The following PAH variants were observed in gnomAD, a reference collection of about 807,000 sequenced individuals.
The protein encoded by PAH is phenylalanine-4-hydroxylase.
Under a neutral mutation model 62.0 loss-of-function variants are expected in PAH, and 64 were observed. The ratio of observed to expected loss-of-function variants is 1.03; its 90% CI spans 0.84 to 1.27. The LOEUF is 1.27. Among genes scored for constraint, PAH ranks in the 50% most tolerant of loss-of-function variants. The pLI is 0.00. For missense variants in PAH, 579 were observed against 542.8 expected, an observed-to-expected ratio of 1.07 and a Z score of -0.66; for synonymous variants, 195 against 196.2, an observed-to-expected ratio of 0.99 and a Z score of 0.05.
intron 1 of PAH, among the ~76,000 whole-genome samples, chr12:102,930,215 A>G (rs1878810808): frequency 6.6e-6 from 1 of 152,160 alleles, no homozygotes; most frequent in East Asian, 1.9e-4. Flanking sequence ...TCTGCCATTC[A>G]TTCATTCAGT....
upstream of PAH, among the ~76,000 whole-genome samples, chr12:102,951,914 G>A (rs560060961): frequency 6.6e-6 from 1 of 151,666 alleles, no homozygotes; most frequent in Non-Finnish European, 1.5e-5. Flanking sequence ...TGGCTTCTCC[G>A]GCTGATGTGC....
intron 3 of PAH, among the ~76,000 whole-genome samples, chr12:102,884,233 C>A (rs61942038): frequency 0.18 from 27,483 of 152,202 alleles, 2,852 homozygotes; most frequent in Admixed American, 0.34. Context: ...AGAGCAGGGA[C>A]AAAGCCTGAG....
In PAH at chr12:102,838,887, A is replaced by G. The variant is rs1207315711; in HGVS notation, c.*288T>C. 1 of 462,310 alleles carries G rather than the reference A, an allele frequency of 2.2e-6. No individual in the cohort carries two copies. The highest frequency in any genetic ancestry group is 3.9e-5 in the East Asian group (1 of 25,494). The allele number at this position is 462,310 out of a possible 1,614,324, so 28.6% of individuals were successfully genotyped here. ...ATGAAGCAGGTCCCAAATTTTAATT[A>G]ATCTTGATGAAATGCGACAGATTAC... On this transcript the variant is annotated 3_prime_UTR_variant, in exon 13 of 13. Transcript: ENST00000553106.
At chr12:102,952,160 G>T (rs1879782630), upstream of PAH, among the ~76,000 whole-genome samples, 1 of 152,136 alleles carries the variant, frequency 6.6e-6, no homozygotes, top group African/African-American at 2.4e-5. Flanking sequence ...AGGTTTCATA[G>T]AGCCCTTCGA....
intron 3 of PAH, among the ~76,000 whole-genome samples, chr12:102,880,155 G>A (rs201598796): frequency 6.6e-5 from 10 of 152,046 alleles, no homozygotes; most frequent in African/African-American, 2.4e-4. Context: ...ACCATGCTCT[G>A]TTCATTTGGT....
At chr12:102,854,845 T>A in intron 6 of PAH, 3 of 464,092 alleles carry the variant, frequency 6.5e-6, no homozygotes, top group African/African-American at 4.0e-5. Context: ...AAAACCTCAG[T>A]GAAGCACCTT....
chr12:102,840,640 A>G, intron 11 of PAH, 125 bp from the exon 12 acceptor site: 4 of 733,936 alleles, frequency 5.5e-6, no homozygotes, highest in Non-Finnish European at 1.0e-5. Context: ...CAGGGTCTTC[A>G]ACAGCCAGGG....
intron 2 of PAH, among the ~76,000 whole-genome samples, chr12:102,896,599 G>C (rs1339492823): frequency 6.6e-6 from 1 of 152,114 alleles, no homozygotes; most frequent in Non-Finnish European, 1.5e-5. Flanking sequence ...GAGTGGAAAT[G>C]GTAAGAAGAT....
chr12:102,853,582 C>T (rs1875276494), intron 6 of PAH, among the ~76,000 whole-genome samples: 1 of 152,210 alleles, frequency 6.6e-6, no homozygotes, highest in South Asian at 2.1e-4. Context: ...TATGAATTGG[C>T]AGGTAAGTTT....
chr12:102,891,938 C>G (rs1254885333), intron 3 of PAH, among the ~76,000 whole-genome samples: 2 of 152,216 alleles, frequency 1.3e-5, no homozygotes, highest in Non-Finnish European at 2.9e-5. Context: ...ATCTGGCAGG[C>G]CCTTTGTCCA....
rs559094553 is a variant in PAH at position 102,840,313 on chromosome 12, T to G, written c.1315+87A>C. The G allele has an allele frequency of 3.6e-6, 3 of 842,604 alleles. No homozygotes were observed. In the East Asian group the frequency reaches 7.8e-5, roughly 22 times the overall value. 52.2% of individuals were successfully genotyped at this position (842,604 alleles called of 1,614,324 possible). On this transcript the variant is annotated intron_variant, in intron 12 of 12. Transcript: ENST00000553106. ...TCCTTAATTAAATATTTCAATAAAT[T>G]TATTATTTTTCCTATGGCGATGGTA...
In PAH at chr12:102,838,197, C is replaced by T. The variant is rs1249855871; in HGVS notation, c.*978G>A. On this transcript the variant is annotated 3_prime_UTR_variant, in exon 13 of 13. Transcript: ENST00000553106. ...CATGACTTTGAGTGTCACAAGGAGCCCCTGCAAAGGGTTGGAGATATGAGC... is the reference window on the plus strand; with the variant it reads ...CATGACTTTGAGTGTCACAAGGAGCTCCTGCAAAGGGTTGGAGATATGAGC... 6.6e-6 allele frequency: 1 copy of T among 152,042 alleles called. No individual in the cohort carries two copies. The highest frequency in any genetic ancestry group is 1.5e-5 in the Non-Finnish European group (1 of 68,016). The allele number at this position is 152,042 out of a possible 1,614,324, so 9.4% of individuals were successfully genotyped here. A position where few individuals can be genotyped will look rare whatever the true frequency, so the allele number is the denominator to read the frequency against.
chr12:102,872,774 C>G (rs1377189168), intron 4 of PAH, among the ~76,000 whole-genome samples: 1 of 152,122 alleles, frequency 6.6e-6, no homozygotes, highest in African/African-American at 2.4e-5. Flanking sequence ...TTGAGACCAG[C>G]TTGGCCAACA....
intron 1 of PAH, among the ~76,000 whole-genome samples, chr12:102,948,149 G>A (rs1498697): frequency 0.35 from 52,854 of 152,150 alleles, 13,047 homozygotes; most frequent in African/African-American, 0.69. Context: ...CACAAGGTCA[G>A]AGAGTGTATC....
chr12:102,849,053 C>G (rs1875028386), intron 8 of PAH, among the ~76,000 whole-genome samples: 1 of 152,148 alleles, frequency 6.6e-6, no homozygotes, highest in Non-Finnish European at 1.5e-5. Flanking sequence ...GAGGGGGCCA[C>G]TGAGGAGGCT....
In PAH at chr12:102,839,078, A is replaced by C; in HGVS notation, c.*97T>G. On this transcript the variant is annotated 3_prime_UTR_variant, in exon 13 of 13. Transcript: ENST00000553106. ...GTAAAGGATTTAAGGCTGTTATTTCAAATTAAGGTTTGCTTTTCGGACTTT... is the reference window on the plus strand; with the variant it reads ...GTAAAGGATTTAAGGCTGTTATTTCCAATTAAGGTTTGCTTTTCGGACTTT... 9.4e-7 allele frequency: 1 copy of C among 1,066,032 alleles called. No individual in the cohort carries two copies. 66.0% of individuals were successfully genotyped at this position (1,066,032 alleles called of 1,614,324 possible). A position where few individuals can be genotyped will look rare whatever the true frequency, so the allele number is the denominator to read the frequency against.
chr12:102,953,760 G>A (rs1447408620), upstream of PAH: 1 of 152,204 alleles, frequency 6.6e-6, no homozygotes, highest in Non-Finnish European at 1.5e-5. Context: ...TGTACTCTGG[G>A]TGATACTCAC....
intron 7 of PAH, 123 bp from the exon 8 acceptor site, chr12:102,851,879 C>G: frequency 2.7e-6 from 2 of 742,360 alleles, no homozygotes; most frequent in South Asian, 3.0e-5. Flanking sequence ...TATGATCCCT[C>G]TCCCAGGAAT....
chr12:102,936,575 A>G (rs1192248202), intron 1 of PAH, among the ~76,000 whole-genome samples: 1 of 152,162 alleles, frequency 6.6e-6, no homozygotes, highest in East Asian at 1.9e-4. Flanking sequence ...CATTGGATGC[A>G]TATATATTTA....
Sources: gnomAD v4.1 joint callset for allele counts (sites outside exome capture counted in the v4.1 genomes callset) on GRCh38, gnomAD v4.1.1 for gene constraint, MANE v1.5 for transcripts, NCBI Gene and HGNC (gene_info 2026-07-23, HGNC 2026-07-21) for gene names.